LRRC4C: variants seen among roughly 807,000 people sequenced by gnomAD.
LRRC4C encodes the protein leucine-rich repeat-containing protein 4C.
In LRRC4C, 5 loss-of-function variants were observed where a neutral mutation model predicts 33.6. The ratio of observed to expected loss-of-function variants is 0.15; its 90% CI spans 0.08 to 0.31. The LOEUF (loss-of-function observed/expected upper bound fraction) is 0.31. Among genes scored for constraint, LRRC4C ranks in the 10% least tolerant of loss-of-function variants. The pLI is 1.00. For synonymous variants in LRRC4C, 329 were observed against 302.0 expected (o/e 1.09, Z -0.93); for missense variants, 560 against 796.7 (o/e 0.70, Z 3.58).
chr11:40,914,163 T>C (rs1361363951), intron 2 of LRRC4C, among the ~76,000 whole-genome samples: 2 of 151,996 alleles, frequency 1.3e-5, no homozygotes, highest in East Asian at 1.9e-4. Flanking sequence ...TTTCAATCAA[T>C]AGAAAAAGAG....
intron 3 of LRRC4C, among the ~76,000 whole-genome samples, chr11:40,614,055 C>G (rs1335059885): frequency 6.6e-5 from 10 of 151,854 alleles, no homozygotes; most frequent in Admixed American, 3.9e-4. Context: ...GGTAAATGAA[C>G]ATTGGCTTCA....
At chr11:40,254,347 T>C (rs1323502934) in intron 4 of LRRC4C, among the ~76,000 whole-genome samples, 1 of 152,208 alleles carries the variant, frequency 6.6e-6, no homozygotes, top group Non-Finnish European at 1.5e-5. Context: ...AGGATCTGAA[T>C]AAAGCATGGT....
At chr11:40,124,626 T>C (rs1008450883) in intron 6 of LRRC4C, among the ~76,000 whole-genome samples, 1 of 152,050 alleles carries the variant, frequency 6.6e-6, no homozygotes, top group Non-Finnish European at 1.5e-5. Flanking sequence ...CTAATGGAGA[T>C]AGAGAGCAGA....
At chr11:40,495,563 G>A (rs145096886) in intron 3 of LRRC4C, among the ~76,000 whole-genome samples, 2,689 of 152,188 alleles carry the variant, frequency 0.018, 40 homozygotes, top group South Asian at 0.033. Context: ...GATGTGTGTG[G>A]AAGGAAGAAG....
chr11:41,212,421 G>A (rs1281419751), intron 1 of LRRC4C, among the ~76,000 whole-genome samples: 1 of 152,184 alleles, frequency 6.6e-6, no homozygotes, highest in Non-Finnish European at 1.5e-5. Flanking sequence ...TTCAACTTCT[G>A]TTTTTAAGTT....
intron 2 of LRRC4C, among the ~76,000 whole-genome samples, chr11:40,900,078 TA>T (rs1382926837): frequency 5.3e-5 from 8 of 152,170 alleles, no homozygotes; most frequent in Admixed American, 1.3e-4. Flanking sequence ...CTATTTGTTT[TA>T]TTTTTTTATA....
intron 1 of LRRC4C, among the ~76,000 whole-genome samples, chr11:41,028,516 C>A (rs539412126): frequency 1.7e-3 from 252 of 151,208 alleles, no homozygotes; most frequent in Non-Finnish European, 2.6e-3. Flanking sequence ...TAAATTTATT[C>A]TACACAATGT....
intron 4 of LRRC4C, among the ~76,000 whole-genome samples, chr11:40,294,764 T>C (rs1944424451): frequency 1.3e-5 from 2 of 151,664 alleles, no homozygotes; most frequent in South Asian, 4.2e-4. Flanking sequence ...GAGACGGAGG[T>C]TGCAGTGAGC....
chr11:40,711,162 G>A (rs1012905737), intron 2 of LRRC4C, among the ~76,000 whole-genome samples: 7 of 152,130 alleles, frequency 4.6e-5, no homozygotes, highest in South Asian at 2.1e-4. Flanking sequence ...GTGAAGTGAC[G>A]CCCTGCTCTG....
At position 41,058,619 on chromosome 11, in the gene LRRC4C, C is replaced by G. The variant is rs139904833; in HGVS notation, c.-495-124896G>C. On this transcript the variant is annotated intron_variant, in intron 1 of 6. Transcript: ENST00000528697. ...CCTGTAACACTGATGGGAATGTGTA[C>G]TATTTCAGCTGCTGTGGAATGTAGT... 3.5e-3 allele frequency among the ~76,000 whole-genome samples: 534 copies of G among 152,350 alleles called. 4 individuals carry two copies. The highest frequency in any genetic ancestry group is 0.012 in the African/African-American group (505 of 41,584).
chr11:41,004,648 T>C (rs1355882285), intron 1 of LRRC4C, among the ~76,000 whole-genome samples: 1 of 152,186 alleles, frequency 6.6e-6, no homozygotes, highest in Non-Finnish European at 1.5e-5. Context: ...AGCACAGTAG[T>C]TGACTTATTG....
chr11:40,599,863 CT>C (rs1432432942), intron 3 of LRRC4C, among the ~76,000 whole-genome samples: 1 of 152,158 alleles, frequency 6.6e-6, no homozygotes, highest in African/African-American at 2.4e-5. Context: ...AAGAGGAAAG[CT>C]TTTGCCTAGT....
intron 1 of LRRC4C, among the ~76,000 whole-genome samples, chr11:40,976,365 A>C (rs1309824602): frequency 6.6e-6 from 1 of 152,284 alleles, no homozygotes; most frequent in Non-Finnish European, 1.5e-5. Flanking sequence ...TTGTGTATTC[A>C]TAAGCAAGGG....
At chr11:40,602,855 C>T (rs1249917474) in intron 3 of LRRC4C, among the ~76,000 whole-genome samples, 2 of 152,154 alleles carry the variant, frequency 1.3e-5, no homozygotes, top group African/African-American at 4.8e-5. Flanking sequence ...GTATCTGCCT[C>T]TTATCATGAT....
chr11:41,236,781 T>A (rs10501252), intron 1 of LRRC4C, among the ~76,000 whole-genome samples: 1 of 151,968 alleles, frequency 6.6e-6, no homozygotes. Context: ...TGTTTTCTAG[T>A]GGTATGACCT....
chr11:41,297,577 C>T (rs542405525), intron 1 of LRRC4C, among the ~76,000 whole-genome samples: 5 of 152,254 alleles, frequency 3.3e-5, no homozygotes, highest in Admixed American at 2.0e-4. Context: ...TTTTTGATAA[C>T]ATATGAAATG....
chr11:40,834,728 A>G (rs929779550), intron 2 of LRRC4C, among the ~76,000 whole-genome samples: 4 of 152,124 alleles, frequency 2.6e-5, no homozygotes, highest in Non-Finnish European at 5.9e-5. Flanking sequence ...TAATGGACAC[A>G]GGCTAAACAC....
At chr11:40,963,087 T>C (rs1440337372) in intron 1 of LRRC4C, among the ~76,000 whole-genome samples, 2 of 151,704 alleles carry the variant, frequency 1.3e-5, no homozygotes, top group African/African-American at 4.8e-5. Context: ...TGGAGTTGTC[T>C]GGAGTGATCA....
At chr11:40,791,488 AACTCT>A (rs1352051016) in intron 2 of LRRC4C, among the ~76,000 whole-genome samples, 3 of 152,162 alleles carry the variant, frequency 2.0e-5, no homozygotes, top group African/African-American at 4.8e-5. Context: ...CTCCAGGTGA[AACTCT>A]ACTCTAATTT....
Sources: gnomAD v4.1 joint callset for allele counts (sites outside exome capture counted in the v4.1 genomes callset) on GRCh38, gnomAD v4.1.1 for gene constraint, MANE v1.5 for transcripts, NCBI Gene and HGNC (gene_info 2026-07-23, HGNC 2026-07-21) for gene names.